PDGFC: variants seen among roughly 807,000 people sequenced by gnomAD.
PDGFC encodes platelet derived growth factor C, also known as platelet-derived growth factor C.
A neutral mutation model predicts 35.5 loss-of-function variants in PDGFC; 12 were observed. That is an observed-to-expected ratio of 0.34 (90% CI 0.22 to 0.55). PDGFC has a LOEUF of 0.55. Ranked by LOEUF, PDGFC falls within the 20% of genes least tolerant of loss-of-function variation. The pLI, the probability that PDGFC is intolerant of heterozygous loss-of-function variation, is 0.91. For synonymous variants in PDGFC, 159 were observed against 148.8 expected (o/e 1.07, Z -0.50); for missense variants, 322 against 412.4 (o/e 0.78, Z 1.90).
intron 1 of PDGFC, among the ~76,000 whole-genome samples, chr4:156,913,562 A>G (rs1443548650): frequency 1.3e-5 from 2 of 152,206 alleles, no homozygotes; most frequent in Non-Finnish European, 2.9e-5. Flanking sequence ...GCTTCCTTTT[A>G]AAAGCCCCTA....
intron 1 of PDGFC, among the ~76,000 whole-genome samples, chr4:156,957,460 T>G (rs1732240025): frequency 6.6e-6 from 1 of 151,982 alleles, no homozygotes; most frequent in African/African-American, 2.4e-5. Context: ...TTTTATCATC[T>G]GGGCCAATTT....
chr4:156,954,547 C>T (rs956214147), intron 1 of PDGFC, among the ~76,000 whole-genome samples: 6 of 151,918 alleles, frequency 3.9e-5, no homozygotes, highest in African/African-American at 1.2e-4. Flanking sequence ...GATGGTCATG[C>T]TCTTCTCTAT....
At chr4:156,786,377 A>C (rs1731127978) in intron 3 of PDGFC, among the ~76,000 whole-genome samples, 1 of 152,250 alleles carries the variant, frequency 6.6e-6, no homozygotes, top group Non-Finnish European at 1.5e-5. Flanking sequence ...GAAGAAGACA[A>C]GAATGACAGG....
chr4:156,952,272 C>T (rs985829770), intron 1 of PDGFC, among the ~76,000 whole-genome samples: 1 of 151,794 alleles, frequency 6.6e-6, no homozygotes, highest in Non-Finnish European at 1.5e-5. Flanking sequence ...TGGAATTAAC[C>T]TAAATTATAG....
chr4:156,961,733 C>G lies in PDGFC; in HGVS notation c.118+9053G>C, dbSNP rs189362376. 7.2e-5 allele frequency among the ~76,000 whole-genome samples: 11 copies of G among 152,282 alleles called. No homozygotes were observed. In the East Asian group the frequency reaches 2.1e-3, roughly 29 times the overall value. On this transcript the variant is annotated intron_variant, in intron 1 of 5. Coordinates refer to ENST00000502773, the MANE Select transcript of PDGFC (RefSeq NM_016205.3). Reference sequence around the variant, plus strand: ...ACTGTTTTCTTTGCCTGTGATGTAACAGCTTCATTACTTTAATTCAGTGTC... The same window carrying G: ...ACTGTTTTCTTTGCCTGTGATGTAAGAGCTTCATTACTTTAATTCAGTGTC...
intron 3 of PDGFC, among the ~76,000 whole-genome samples, chr4:156,801,992 A>G (rs1448616315): frequency 5.3e-5 from 8 of 152,220 alleles, no homozygotes; most frequent in Non-Finnish European, 4.4e-5. Context: ...CAAATTAGTG[A>G]GCCCGAGACA....
chr4:156,792,125 T>C (rs1731315008), intron 3 of PDGFC, among the ~76,000 whole-genome samples: 1 of 152,176 alleles, frequency 6.6e-6, no homozygotes, highest in Non-Finnish European at 1.5e-5. Flanking sequence ...TTAAAACAAA[T>C]GTGACCAGTG....
At chr4:156,840,993 A>C (rs1729190133) in intron 2 of PDGFC, among the ~76,000 whole-genome samples, 1 of 152,054 alleles carries the variant, frequency 6.6e-6, no homozygotes, top group South Asian at 2.1e-4. Flanking sequence ...CTTGCTTTTG[A>C]TTTTACAGGC....
chr4:156,834,503 C>T (rs1729016694), intron 2 of PDGFC, among the ~76,000 whole-genome samples: 1 of 152,054 alleles, frequency 6.6e-6, no homozygotes, highest in African/African-American at 2.4e-5. Context: ...AACTAGCTTG[C>T]TTATTCAAAG....
At chr4:156,809,167 G>A (rs1042564112) in intron 3 of PDGFC, among the ~76,000 whole-genome samples, 1 of 151,956 alleles carries the variant, frequency 6.6e-6, no homozygotes, top group Non-Finnish European at 1.5e-5. Flanking sequence ...ATAGAGTCCA[G>A]GAGAGTTGAC....
intron 3 of PDGFC, among the ~76,000 whole-genome samples, chr4:156,804,568 C>T (rs986310250): frequency 2.0e-5 from 3 of 151,872 alleles, no homozygotes; most frequent in African/African-American, 7.2e-5. Context: ...AACCACTCAA[C>T]ATGACACTCA....
intron 2 of PDGFC, among the ~76,000 whole-genome samples, chr4:156,826,191 T>TTTTTTA: frequency 8.5e-6 from 1 of 117,662 alleles, no homozygotes; most frequent in African/African-American, 3.4e-5. Context: ...TTTTTTTTTT[T>TTTTTTA]TTTTTTTTTT....
At chr4:156,954,319 T>C (rs539382327) in intron 1 of PDGFC, among the ~76,000 whole-genome samples, 65 of 152,096 alleles carry the variant, frequency 4.3e-4, no homozygotes, top group Non-Finnish European at 8.5e-4. Context: ...GAAAAAAAAC[T>C]ATATTCTTTG....
At chr4:156,885,156 T>TACACACACACAC (rs36049782) in intron 1 of PDGFC, among the ~76,000 whole-genome samples, 12 of 126,982 alleles carry the variant, frequency 9.5e-5, no homozygotes, top group African/African-American at 3.6e-4. Context: ...TGTGCATACA[T>TACACACACACAC]ACACACACAC....
At chr4:156,865,087 A>G (rs1033193629) in intron 1 of PDGFC, among the ~76,000 whole-genome samples, 5 of 152,242 alleles carry the variant, frequency 3.3e-5, no homozygotes, top group African/African-American at 1.2e-4. Context: ...CACTTTATCT[A>G]TGAAATGAAG....
intron 1 of PDGFC, among the ~76,000 whole-genome samples, chr4:156,858,070 T>C (rs1729625295): frequency 6.6e-6 from 1 of 152,132 alleles, no homozygotes; most frequent in Non-Finnish European, 1.5e-5. Context: ...TGTTTGGGTT[T>C]ACCTGGAATA....
intron 2 of PDGFC, among the ~76,000 whole-genome samples, chr4:156,826,834 A>G (rs879439330): frequency 1.5e-4 from 23 of 152,174 alleles, no homozygotes; most frequent in Non-Finnish European, 2.9e-4. Flanking sequence ...TTAATTCTTC[A>G]TTTATATATA....
chr4:156,805,164 T>C (rs1731725340), intron 3 of PDGFC, among the ~76,000 whole-genome samples: 1 of 152,000 alleles, frequency 6.6e-6, no homozygotes, highest in Non-Finnish European at 1.5e-5. Context: ...CTTAGCCAAG[T>C]AAGAGTTTAG....
At chr4:156,790,539 C>T (rs1731268748) in intron 3 of PDGFC, among the ~76,000 whole-genome samples, 1 of 152,132 alleles carries the variant, frequency 6.6e-6, no homozygotes, top group Non-Finnish European at 1.5e-5. Flanking sequence ...AATGTTGAAA[C>T]TTTATGAATT....
Sources: gnomAD v4.1 joint callset for allele counts (sites outside exome capture counted in the v4.1 genomes callset) on GRCh38, gnomAD v4.1.1 for gene constraint, MANE v1.5 for transcripts, NCBI Gene and HGNC (gene_info 2026-07-23, HGNC 2026-07-21) for gene names.